ZZZ3: variants seen among roughly 807,000 people sequenced by gnomAD.
ZZZ3 encodes the protein ZZ-type zinc finger-containing protein 3.
Under a neutral mutation model 95.2 loss-of-function variants are expected in ZZZ3, and 22 were observed. That is an observed-to-expected ratio of 0.23 (90% confidence interval 0.17 to 0.33). The LOEUF is 0.33. Ranked by LOEUF, ZZZ3 falls within the 10% of genes least tolerant of loss-of-function variation. ZZZ3 has a pLI of 1.00. For missense variants in ZZZ3, 885 were observed against 1,066.5 expected (o/e 0.83, Z 2.37); for synonymous variants, 335 against 358.9 (o/e 0.93, Z 0.75).
At chr1:77,605,166 G>C (rs948165140) in intron 5 of ZZZ3, among the ~76,000 whole-genome samples, 13 of 152,184 alleles carry the variant, frequency 8.5e-5, no homozygotes, top group African/African-American at 2.9e-4. Flanking sequence ...TTGAGTTGCA[G>C]ATGCCACCCC....
intron 12 of ZZZ3, among the ~76,000 whole-genome samples, chr1:77,569,544 T>C (rs1354310051): frequency 6.6e-6 from 1 of 152,196 alleles, no homozygotes; most frequent in African/African-American, 2.4e-5. Flanking sequence ...CTGTGGTTCA[T>C]CATCCTAGAC....
chr1:77,681,239 G>C (rs1672724130), intron 1 of ZZZ3, among the ~76,000 whole-genome samples: 1 of 151,992 alleles, frequency 6.6e-6, no homozygotes, highest in Admixed American at 6.6e-5. Flanking sequence ...CTGAGGAATG[G>C]AACTTTGTGG....
Position 77,572,620 on chromosome 1 carries a change from G to A in ZZZ3, c.2331+3448C>T, listed in dbSNP as rs146998250. On this transcript the variant is annotated intron_variant, in intron 12 of 14. Transcript: ENST00000370801. ...CCCAAAATGCTGGGATTACAGGTGT[G>A]AGACACTGCGCCCGGCCTTTTTGTT... 3.3e-5 allele frequency among the ~76,000 whole-genome samples: 5 copies of A among 152,028 alleles called. No homozygotes were observed. In the East Asian group the frequency reaches 7.8e-4, roughly 24 times the overall value.
At chr1:77,619,059 C>A (rs1267447891) in intron 5 of ZZZ3, among the ~76,000 whole-genome samples, 13 of 152,074 alleles carry the variant, frequency 8.5e-5, no homozygotes, top group Admixed American at 3.9e-4. Flanking sequence ...TAGAAAAAAA[C>A]CCCTGACAAC....
chr1:77,620,593 A>G (rs1464435452), intron 5 of ZZZ3, among the ~76,000 whole-genome samples: 1 of 152,196 alleles, frequency 6.6e-6, no homozygotes, highest in Admixed American at 6.5e-5. Context: ...CAAGTAGTTG[A>G]AGAATACTTT....
intron 5 of ZZZ3, among the ~76,000 whole-genome samples, chr1:77,596,698 T>TA (rs869183164): frequency 1.3e-5 from 2 of 152,116 alleles, no homozygotes; most frequent in Admixed American, 6.6e-5. Context: ...TTCTAGTTGA[T>TA]AAGAGTTTTT....
At chr1:77,673,678 C>G (rs1207747111) in intron 1 of ZZZ3, among the ~76,000 whole-genome samples, 1 of 152,172 alleles carries the variant, frequency 6.6e-6, no homozygotes, top group Non-Finnish European at 1.5e-5. Flanking sequence ...TTAGCTGATT[C>G]CCAATTTTTT....
At chr1:77,668,624 C>T (rs1570658682) in intron 1 of ZZZ3, among the ~76,000 whole-genome samples, 1 of 143,870 alleles carries the variant, frequency 7.0e-6, no homozygotes, top group Admixed American at 7.1e-5. Context: ...TTCCAGCCTG[C>T]GTGACAGAGC....
chr1:77,610,557 C>A (rs1665689329), intron 5 of ZZZ3, among the ~76,000 whole-genome samples: 1 of 151,120 alleles, frequency 6.6e-6, no homozygotes, highest in Non-Finnish European at 1.5e-5. Context: ...GAAACAAAAA[C>A]CCTCAACAAA....
chr1:77,573,877 T>C (rs922069528), intron 12 of ZZZ3, among the ~76,000 whole-genome samples: 3 of 151,926 alleles, frequency 2.0e-5, no homozygotes, highest in African/African-American at 7.2e-5. Flanking sequence ...TATGTCCTTT[T>C]AAGCAAGGAA....
chr1:77,616,630 C>T (rs556819784), intron 5 of ZZZ3, among the ~76,000 whole-genome samples: 1 of 152,204 alleles, frequency 6.6e-6, no homozygotes, highest in African/African-American at 2.4e-5. Flanking sequence ...TTTGGGAGGT[C>T]GAGGTGGGTG....
chr1:77,657,834 C>G (rs1194745673), intron 1 of ZZZ3, among the ~76,000 whole-genome samples: 1 of 152,126 alleles, frequency 6.6e-6, no homozygotes. Flanking sequence ...TTAGACACAT[C>G]CACAATATAA....
chr1:77,606,110 T>C (rs1399201142), intron 5 of ZZZ3, among the ~76,000 whole-genome samples: 2 of 152,180 alleles, frequency 1.3e-5, no homozygotes, highest in Non-Finnish European at 2.9e-5. Flanking sequence ...GGGGGTCCAC[T>C]ACCCTGAAGT....
At chr1:77,604,184 T>TA (rs1261032772) in intron 5 of ZZZ3, among the ~76,000 whole-genome samples, 9 of 152,066 alleles carry the variant, frequency 5.9e-5, no homozygotes, top group African/African-American at 1.4e-4. Flanking sequence ...GACGCCGTTT[T>TA]AAAAAAAATT....
intron 1 of ZZZ3, among the ~76,000 whole-genome samples, chr1:77,681,899 C>CAAAA (rs61661880): frequency 4.2e-5 from 4 of 94,710 alleles, no homozygotes; most frequent in Admixed American, 2.5e-4. Context: ...GACTCCGTCT[C>CAAAA]AAAAAAAAAA....
intron 9 of ZZZ3, 99 bp from the exon 10 acceptor site, chr1:77,579,727 ACTCT>A: frequency 4.2e-6 from 3 of 718,528 alleles, no homozygotes; most frequent in Non-Finnish European, 6.7e-6. Flanking sequence ...AAAATGTAAT[ACTCT>A]CTCCCACCTT....
At chr1:77,588,740 C>T (rs1663357324) in intron 5 of ZZZ3, among the ~76,000 whole-genome samples, 1 of 152,052 alleles carries the variant, frequency 6.6e-6, no homozygotes, top group Non-Finnish European at 1.5e-5. Context: ...ATATTTTTGC[C>T]TGGATAAAAT....
intron 12 of ZZZ3, among the ~76,000 whole-genome samples, chr1:77,573,315 T>G (rs781626093): frequency 3.4e-4 from 52 of 151,564 alleles, no homozygotes; most frequent in Non-Finnish European, 7.4e-4. Flanking sequence ...AGAGATGAGG[T>G]TTTACCATGT....
intron 5 of ZZZ3, among the ~76,000 whole-genome samples, chr1:77,613,808 C>T (rs1328316056): frequency 6.6e-6 from 1 of 151,956 alleles, no homozygotes; most frequent in Non-Finnish European, 1.5e-5. Flanking sequence ...TCCCCTATGT[C>T]GAATATATAT....
Sources: allele counts gnomAD v4.1 joint callset (sites outside exome capture counted in the v4.1 genomes callset), GRCh38; gene constraint gnomAD v4.1.1; transcripts MANE v1.5; gene names NCBI Gene and HGNC (gene_info 2026-07-23, HGNC 2026-07-21).